Variants in NTF3 observed in about 807,000 individuals in gnomAD.
The protein encoded by NTF3 is neurotrophin-3.
A neutral mutation model predicts 26.3 loss-of-function variants in NTF3; 8 were observed. That is an observed-to-expected ratio of 0.30 (90% CI 0.18 to 0.55). The LOEUF (loss-of-function observed/expected upper bound fraction) is 0.55, where lower values mean the gene tolerates loss of function less well. Ranked by LOEUF, NTF3 falls within the 20% of genes least tolerant of loss-of-function variation. The probability of loss-of-function intolerance (pLI) is 0.93; values close to 1 mark genes in which losing one functional copy is unlikely to be tolerated. For missense variants in NTF3, 276 were observed against 352.9 expected (o/e 0.78, Z 1.75); for synonymous variants, 154 against 145.5 (o/e 1.06, Z -0.42).
intron 1 of NTF3, among the ~76,000 whole-genome samples, chr12:5,493,622 G>A (rs1940965938): frequency 6.6e-6 from 1 of 152,080 alleles, no homozygotes; most frequent in South Asian, 2.1e-4. Context: ...CCAAGGGCAG[G>A]AGAATAGACC....
At chr12:5,477,306 TAATA>T (rs1940736871) in intron 1 of NTF3, among the ~76,000 whole-genome samples, 1 of 152,164 alleles carries the variant, frequency 6.6e-6, no homozygotes, top group South Asian at 2.1e-4. Flanking sequence ...TGAAGTGGAA[TAATA>T]CACATCCCCA....
In NTF3 at chr12:5,479,766, A is replaced by ATC. The variant is rs1940764754; in HGVS notation, c.19-14423_19-14422dup. On this transcript the variant is annotated intron_variant, in intron 1 of 1. Coordinates refer to ENST00000423158, the MANE Select transcript of NTF3 (RefSeq NM_001102654.2). ...GTCCTTGGCACATAGTAGGTGCTCA[A>ATC]TCTCTCATCCTTCTGTCCCTCAAGA... Among the ~76,000 whole-genome samples the ATC allele has an allele frequency of 2.6e-5, 4 of 152,264 alleles. 1 individual carries two copies. In the South Asian group the frequency reaches 8.3e-4, roughly 32 times the overall value.
At chr12:5,489,621 C>G (rs1018956141) in intron 1 of NTF3, among the ~76,000 whole-genome samples, 1 of 152,192 alleles carries the variant, frequency 6.6e-6, no homozygotes, top group African/African-American at 2.4e-5. Context: ...CACCCCTAAG[C>G]AGTCTAAAAA....
At chr12:5,454,268 G>T (rs1055562655) in intron 1 of NTF3, among the ~76,000 whole-genome samples, 2 of 152,140 alleles carry the variant, frequency 1.3e-5, no homozygotes, top group African/African-American at 4.8e-5. Context: ...TCTTCATATG[G>T]CTTTCTCCTT....
At chr12:5,465,072 C>T (rs566238997) in intron 1 of NTF3, among the ~76,000 whole-genome samples, 1 of 152,276 alleles carries the variant, frequency 6.6e-6, no homozygotes, top group East Asian at 1.9e-4. Flanking sequence ...CTCTTTATTT[C>T]CAGATGTGGA....
At chr12:5,457,003 A>T (rs1940460824) in intron 1 of NTF3, among the ~76,000 whole-genome samples, 1 of 152,208 alleles carries the variant, frequency 6.6e-6, no homozygotes, top group Non-Finnish European at 1.5e-5. Context: ...CACAGAGCAG[A>T]CACGGTCTGT....
At chr12:5,439,825 T>C (rs1425640432) in intron 1 of NTF3, among the ~76,000 whole-genome samples, 3 of 152,188 alleles carry the variant, frequency 2.0e-5, no homozygotes, top group Non-Finnish European at 4.4e-5. Context: ...ATCTTTAGAA[T>C]TTGGAAGATG....
chr12:5,483,855 G>A (rs1413155862), intron 1 of NTF3, among the ~76,000 whole-genome samples: 3 of 152,212 alleles, frequency 2.0e-5, no homozygotes, highest in African/African-American at 7.2e-5. Context: ...CAGGTTTATG[G>A]ACAGAAAGGA....
intron 1 of NTF3, among the ~76,000 whole-genome samples, chr12:5,492,176 A>T (rs1940946124): frequency 6.6e-6 from 1 of 152,184 alleles, no homozygotes; most frequent in South Asian, 2.1e-4. Context: ...TCAATCCATC[A>T]GCATCAGCCA....
intron 1 of NTF3, among the ~76,000 whole-genome samples, chr12:5,463,974 G>T (rs1211600412): frequency 1.3e-5 from 2 of 152,172 alleles, no homozygotes; most frequent in Admixed American, 1.3e-4. Context: ...TGGGAATAAA[G>T]TGGTATTTGT....
intron 1 of NTF3, 69 bp downstream of exon 1, chr12:5,432,411 T>C: frequency 6.4e-7 from 1 of 1,558,176 alleles, no homozygotes; most frequent in Non-Finnish European, 8.8e-7. Flanking sequence ...GGAGGGATTT[T>C]CCAGTGGACT....
intron 1 of NTF3, among the ~76,000 whole-genome samples, chr12:5,447,668 A>T (rs1170200600): frequency 6.6e-6 from 1 of 152,194 alleles, no homozygotes; most frequent in East Asian, 1.9e-4. Flanking sequence ...TAAATCTGTA[A>T]ATTACAAATA....
At chr12:5,487,993 G>A (rs1591608096) in intron 1 of NTF3, among the ~76,000 whole-genome samples, 1 of 152,228 alleles carries the variant, frequency 6.6e-6, no homozygotes, top group Non-Finnish European at 1.5e-5. Flanking sequence ...TCTTTTTTGT[G>A]CTCCATAAGA....
chr12:5,436,157 A>C (rs1169911376), intron 1 of NTF3, among the ~76,000 whole-genome samples: 3 of 152,208 alleles, frequency 2.0e-5, no homozygotes, highest in Non-Finnish European at 4.4e-5. Flanking sequence ...TGATGCACAC[A>C]TCTGCCTGTC....
At chr12:5,445,904 G>T (rs569464502) in intron 1 of NTF3, among the ~76,000 whole-genome samples, 1 of 152,302 alleles carries the variant, frequency 6.6e-6, no homozygotes, top group South Asian at 2.1e-4. Context: ...TAAAAATCCA[G>T]CATTTGCCTG....
intron 1 of NTF3, among the ~76,000 whole-genome samples, chr12:5,463,734 T>C (rs1334117135): frequency 6.6e-6 from 1 of 152,182 alleles, no homozygotes; most frequent in Non-Finnish European, 1.5e-5. Flanking sequence ...GACCCCAGTA[T>C]GGTGTCTGCA....
intron 1 of NTF3, among the ~76,000 whole-genome samples, chr12:5,443,196 C>T (rs1940261310): frequency 6.6e-6 from 1 of 152,164 alleles, no homozygotes; most frequent in Non-Finnish European, 1.5e-5. Context: ...GCAGTCCTGC[C>T]CTGTGACCCA....
intron 1 of NTF3, among the ~76,000 whole-genome samples, chr12:5,442,752 C>A: frequency 6.6e-6 from 1 of 152,170 alleles, no homozygotes; most frequent in Non-Finnish European, 1.5e-5. Flanking sequence ...AAAAACATAG[C>A]ACATCTGTCA....
chr12:5,433,929 A>AGT lies in NTF3; in HGVS notation c.18+1589_18+1590dup, dbSNP rs763742479. 7.2e-4 allele frequency among the ~76,000 whole-genome samples: 110 copies of AGT among 152,088 alleles called. No homozygotes were observed. The highest frequency in any genetic ancestry group is 1.3e-3 in the Non-Finnish European group (90 of 68,012). ...ATGTTTGTAACTCAGCTGATTATGG[A>AGT]GTGCACTGAGCGACCTGCTTTTTAA... On this transcript the variant is annotated intron_variant, in intron 1 of 1. Transcript: ENST00000423158. This position sits in a 1 kb window ranked among gnomAD's most constrained non-coding sequence, Gnocchi z 4.6.
Sources: allele counts gnomAD v4.1 joint callset (sites outside exome capture counted in the v4.1 genomes callset), GRCh38; gene constraint gnomAD v4.1.1; non-coding constraint Gnocchi (gnomAD v3.1); transcripts MANE v1.5; gene names NCBI Gene and HGNC (gene_info 2026-07-23, HGNC 2026-07-21).